The following CAPN8 variants were observed in gnomAD, a reference collection of about 807,000 sequenced individuals.
The protein encoded by CAPN8 is calpain-8.
A neutral mutation model predicts 80.9 loss-of-function variants in CAPN8; 87 were observed. The ratio of observed to expected loss-of-function variants is 1.07; its 90% CI spans 0.90 to 1.28. The LOEUF (loss-of-function observed/expected upper bound fraction) is 1.28, where lower values mean the gene tolerates loss of function less well. Ranked by LOEUF, CAPN8 falls within the 50% of genes most tolerant of loss-of-function variation. The pLI, the probability that CAPN8 is intolerant of heterozygous loss-of-function variation, is 0.00. For synonymous variants in CAPN8, 299 were observed against 273.8 expected (o/e 1.09, Z -0.91); for missense variants, 757 against 702.0 (o/e 1.08, Z -0.89).
At chr1:223,656,012 A>G (rs1658475674) in intron 1 of CAPN8, among the ~76,000 whole-genome samples, 1 of 152,164 alleles carries the variant, frequency 6.6e-6, no homozygotes, top group Admixed American at 6.5e-5. Context: ...GGCTGAGGGC[A>G]GATGCATGGG....
intron 2 of CAPN8, among the ~76,000 whole-genome samples, chr1:223,642,039 GA>G (rs957632744): frequency 6.6e-6 from 1 of 152,136 alleles, no homozygotes; most frequent in Non-Finnish European, 1.5e-5. Flanking sequence ...CACCTTACTA[GA>G]ACATCGTCCT....
chr1:223,656,686 T>G (rs1418282862), intron 1 of CAPN8, among the ~76,000 whole-genome samples: 86 of 132,810 alleles, frequency 6.5e-4, no homozygotes, highest in East Asian at 5.9e-3. Flanking sequence ...GTTTTGTTTT[T>G]TTTTTTTTTT....
chr1:223,620,353 G>C (rs1657347899), intron 7 of CAPN8, 87 bp from the exon 8 acceptor site: 1 of 1,201,458 alleles, frequency 8.3e-7, no homozygotes, highest in Non-Finnish European at 1.2e-6. Context: ...TTCCCCCTAA[G>C]AGCCAGAAAC....
chr1:223,650,659 G>A (rs1658322300), intron 2 of CAPN8, among the ~76,000 whole-genome samples: 1 of 152,150 alleles, frequency 6.6e-6, no homozygotes, highest in African/African-American at 2.4e-5. Context: ...TAGATCCCTG[G>A]AACCAGGCTC....
At chr1:223,544,986 G>T in intron 17 of CAPN8, 136 bp from the exon 18 acceptor site, 1 of 1,480,718 alleles carries the variant, frequency 6.8e-7, no homozygotes, top group South Asian at 1.4e-5. Context: ...CTCCCAAGAA[G>T]GTTTCAGAGC....
At chr1:223,618,201 C>T in intron 9 of CAPN8, 1 of 1,548,722 alleles carries the variant, frequency 6.5e-7, no homozygotes, top group Middle Eastern at 1.7e-4. Flanking sequence ...TGCTTTTCTT[C>T]ATTTCTCCTT....
At chr1:223,617,343 T>TTTG (rs1657226472) in intron 9 of CAPN8, 1 of 150,704 alleles carries the variant, frequency 6.6e-6, no homozygotes, top group Non-Finnish European at 1.5e-5. Context: ...TGTTTGTTTG[T>TTTG]TTGTTTTAGG....
chr1:223,544,086 G>C lies in CAPN8; in HGVS notation c.2010C>G (p.Ile670Met), dbSNP rs1476771752. Reference protein sequence around the residue: ...INFDSFVACMIRLETLFKLFS... With the variant: ...INFDSFVACMMRLETLFKLFS... ...ACTCACTGAAGAGGGTCTCCAGGCGGATCATACAAGCCACGAAGCTGTCAA... is the reference window on the plus strand; with the variant it reads ...ACTCACTGAAGAGGGTCTCCAGGCGCATCATACAAGCCACGAAGCTGTCAA... Residue 670 changes from isoleucine (I) to methionine (M), a missense_variant, in exon 19 of 21, where the codon ATC becomes ATG. Physicochemically the swap from Ile to Met is conservative, Grantham distance 10. Transcript: ENST00000366872. 1.4e-6 allele frequency: 1 copy of C among 718,210 alleles called. No individual in the cohort carries two copies. Among genetic ancestry groups the C allele is most frequent in the Non-Finnish European group, 2.6e-6 (1 of 385,088 alleles). 44.5% of individuals were successfully genotyped at this position (718,210 alleles called of 1,614,324 possible).
chr1:223,633,613 G>T (rs538115691), intron 2 of CAPN8, among the ~76,000 whole-genome samples: 175 of 152,186 alleles, frequency 1.1e-3, no homozygotes, highest in African/African-American at 4.1e-3. Flanking sequence ...AGTGAGCCAA[G>T]ATCACACCAC....
At chr1:223,657,401 C>G (rs1658525829) in intron 1 of CAPN8, among the ~76,000 whole-genome samples, 1 of 152,056 alleles carries the variant, frequency 6.6e-6, no homozygotes, top group African/African-American at 2.4e-5. Context: ...AATGTTGTGT[C>G]GTCAAGAGGA....
At chr1:223,638,543 T>A (rs539652990) in intron 2 of CAPN8, among the ~76,000 whole-genome samples, 77 of 152,292 alleles carry the variant, frequency 5.1e-4, no homozygotes, top group African/African-American at 1.8e-3. Context: ...CGCCTGAGTA[T>A]AATCTCTCCC....
At chr1:223,616,195 TGAA>T in intron 9 of CAPN8, 50 bp from the exon 10 acceptor site, 1 of 1,505,604 alleles carries the variant, frequency 6.6e-7, no homozygotes, top group South Asian at 1.3e-5. Context: ...GGTGAGGAGA[TGAA>T]GAAGAATAAA....
intron 16 of CAPN8, among the ~76,000 whole-genome samples, chr1:223,547,989 G>A (rs554062311): frequency 2.0e-5 from 3 of 152,322 alleles, no homozygotes; most frequent in Non-Finnish European, 2.9e-5. Flanking sequence ...GGGAGTGGCC[G>A]ACTGAAGCTC....
At chr1:223,655,258 G>T (rs1658453324) in intron 1 of CAPN8, among the ~76,000 whole-genome samples, 1 of 152,194 alleles carries the variant, frequency 6.6e-6, no homozygotes, top group Admixed American at 6.5e-5. Flanking sequence ...AGTGTCAGAA[G>T]TACCATGTAT....
intron 1 of CAPN8, among the ~76,000 whole-genome samples, chr1:223,660,976 C>T (rs986787622): frequency 3.3e-5 from 5 of 151,906 alleles, no homozygotes; most frequent in Non-Finnish European, 5.9e-5. Flanking sequence ...AGACCAGCCT[C>T]GCCAACATGG....
At chr1:223,542,435 T>A (rs1656492911) in intron 20 of CAPN8, among the ~76,000 whole-genome samples, 2 of 151,700 alleles carry the variant, frequency 1.3e-5, no homozygotes, top group Non-Finnish European at 2.9e-5. Flanking sequence ...AGGAAAGAGG[T>A]CAATAGCATT....
At chr1:223,646,682 A>G (rs957083268) in intron 2 of CAPN8, among the ~76,000 whole-genome samples, 12 of 152,192 alleles carry the variant, frequency 7.9e-5, no homozygotes, top group Non-Finnish European at 2.9e-5. Context: ...GCGGGACAGC[A>G]GGGTACCCCT....
chr1:223,654,743 T>G (rs1408377321), intron 1 of CAPN8, among the ~76,000 whole-genome samples: 1 of 152,102 alleles, frequency 6.6e-6, no homozygotes, highest in East Asian at 1.9e-4. Context: ...TGGCATGATC[T>G]CGGCTCACTG....
At chr1:223,544,401 G>C in intron 18 of CAPN8, 1 of 587,254 alleles carries the variant, frequency 1.7e-6, no homozygotes, top group East Asian at 2.8e-5. Context: ...CTAATTCCAG[G>C]TCCAGCGCTA....
Sources: allele counts gnomAD v4.1 joint callset (sites outside exome capture counted in the v4.1 genomes callset), GRCh38; gene constraint gnomAD v4.1.1; transcripts MANE v1.5; gene names NCBI Gene and HGNC (gene_info 2026-07-23, HGNC 2026-07-21).